CLASP1: variants seen among roughly 807,000 people sequenced by gnomAD.
The protein encoded by CLASP1 is cytoplasmic linker associated protein 1, also known as CLIP-associating protein 1.
In CLASP1, 38 loss-of-function variants were observed where a neutral mutation model predicts 192.3. The ratio of observed to expected loss-of-function variants is 0.20; its 90% CI spans 0.15 to 0.26. The LOEUF is 0.26. Among genes scored for constraint, CLASP1 ranks in the 10% least tolerant of loss-of-function variants. The pLI is 1.00. For synonymous variants in CLASP1, 691 were observed against 712.8 expected (o/e 0.97, Z 0.49); for missense variants, 1,433 against 1,932.5 (o/e 0.74, Z 4.85).
At chr2:121,500,344 A>AAAG (rs2093695387) in intron 8 of CLASP1, among the ~76,000 whole-genome samples, 1 of 119,310 alleles carries the variant, frequency 8.4e-6, no homozygotes, top group East Asian at 2.5e-4. Flanking sequence ...GAAAGAAAGA[A>AAAG]AAAGAAAGAA....
intron 8 of CLASP1, among the ~76,000 whole-genome samples, chr2:121,494,479 G>A (rs1416439851): frequency 6.6e-6 from 1 of 152,130 alleles, no homozygotes; most frequent in East Asian, 1.9e-4. Context: ...GGAAGGGAGT[G>A]GGGATGGTTA....
intron 2 of CLASP1, among the ~76,000 whole-genome samples, chr2:121,577,511 T>C (rs548783269): frequency 6.6e-6 from 1 of 152,284 alleles, no homozygotes; most frequent in Non-Finnish European, 1.5e-5. Context: ...TAATGTGATA[T>C]ATGCACAGAG....
intron 1 of CLASP1, among the ~76,000 whole-genome samples, chr2:121,620,252 G>A (rs1169027177): frequency 6.6e-6 from 1 of 151,686 alleles, no homozygotes. Flanking sequence ...CCCAGAATTA[G>A]CAGGGCCAGT....
intron 32 of CLASP1, among the ~76,000 whole-genome samples, chr2:121,383,886 C>T (rs1048798876): frequency 1.3e-5 from 2 of 151,302 alleles, no homozygotes; most frequent in African/African-American, 4.9e-5. Context: ...TTCTTTCACA[C>T]AGAAATGATG....
intron 2 of CLASP1, among the ~76,000 whole-genome samples, chr2:121,602,286 A>G (rs1267099227): frequency 6.6e-6 from 1 of 152,140 alleles, no homozygotes; most frequent in Non-Finnish European, 1.5e-5. Flanking sequence ...CTACAAGGAA[A>G]ACTACAAAAC....
chr2:121,583,204 T>G (rs1284648632), intron 2 of CLASP1, among the ~76,000 whole-genome samples: 1 of 152,190 alleles, frequency 6.6e-6, no homozygotes, highest in Non-Finnish European at 1.5e-5. Context: ...CATTGAAAAT[T>G]TAAATGTACC....
chr2:121,470,293 C>CTT (rs70954550), intron 8 of CLASP1: 22,483 of 305,910 alleles, frequency 0.073, 3,219 homozygotes, highest in Non-Finnish European at 0.083. Flanking sequence ...ACCATCCATG[C>CTT]TTTTTTTTTT....
At chr2:121,430,881 C>A (rs952236482) in intron 19 of CLASP1, among the ~76,000 whole-genome samples, 1 of 151,008 alleles carries the variant, frequency 6.6e-6, no homozygotes, top group Non-Finnish European at 1.5e-5. Context: ...GAAAAAATTA[C>A]AGCAATTATT....
chr2:121,509,932 TAAC>T (rs934213320), intron 7 of CLASP1, among the ~76,000 whole-genome samples: 8 of 151,938 alleles, frequency 5.3e-5, no homozygotes, highest in African/African-American at 1.5e-4. Context: ...CAGAAATTAA[TAAC>T]AAAAAGAAAT....
intron 34 of CLASP1, among the ~76,000 whole-genome samples, chr2:121,374,565 G>A (rs555397723): frequency 7.2e-5 from 11 of 152,330 alleles, no homozygotes; most frequent in South Asian, 4.1e-4. Flanking sequence ...CCGCAGGCAC[G>A]CAATGTCAGT....
intron 19 of CLASP1, among the ~76,000 whole-genome samples, chr2:121,438,681 C>A (rs1038202008): frequency 2.2e-4 from 33 of 152,054 alleles, no homozygotes; most frequent in Non-Finnish European, 2.6e-4. Flanking sequence ...GGATGAAGCC[C>A]ACTTGATCAT....
At chr2:121,585,525 T>C (rs2061619611) in intron 2 of CLASP1, among the ~76,000 whole-genome samples, 4 of 152,060 alleles carry the variant, frequency 2.6e-5, no homozygotes. Flanking sequence ...CTAAACAGGG[T>C]ATATCTAATT....
intron 1 of CLASP1, among the ~76,000 whole-genome samples, chr2:121,629,315 G>A (rs984672548): frequency 5.3e-5 from 8 of 151,720 alleles, no homozygotes; most frequent in South Asian, 2.1e-4. Context: ...GCATGAATCC[G>A]GGAGGCGGAG....
chr2:121,369,183 T>C (rs1277921219), intron 34 of CLASP1, among the ~76,000 whole-genome samples: 2 of 152,248 alleles, frequency 1.3e-5, no homozygotes, highest in South Asian at 2.1e-4. Flanking sequence ...GACACACTGG[T>C]GCACAAACAT....
chr2:121,632,942 C>T (rs1425488968), intron 1 of CLASP1, among the ~76,000 whole-genome samples: 1 of 148,348 alleles, frequency 6.7e-6, no homozygotes, highest in African/African-American at 2.5e-5. Context: ...TAATCAGCCA[C>T]GAACTGTACA....
At chr2:121,377,670 A>C (rs1194743114) in intron 33 of CLASP1, 21 bp from the exon 35 acceptor site, 1 of 1,522,964 alleles carries the variant, frequency 6.6e-7, no homozygotes, top group Non-Finnish European at 8.8e-7. Flanking sequence ...AAAATATTTT[A>C]TTTCTTAAAT....
chr2:121,581,897 A>T (rs899564784), intron 2 of CLASP1, among the ~76,000 whole-genome samples: 3 of 152,086 alleles, frequency 2.0e-5, no homozygotes, highest in Non-Finnish European at 2.9e-5. Context: ...AAAAGAAAAG[A>T]AAAGTCCAGG....
At chr2:121,462,913 A>C (rs561113523) in intron 9 of CLASP1, among the ~76,000 whole-genome samples, 1 of 152,318 alleles carries the variant, frequency 6.6e-6, no homozygotes, top group Non-Finnish European at 1.5e-5. Context: ...GTCCTTTGAA[A>C]GATTCCTAAT....
intron 23 of CLASP1, among the ~76,000 whole-genome samples, chr2:121,417,759 A>G (rs1318053569): frequency 1.3e-5 from 2 of 152,230 alleles, no homozygotes; most frequent in East Asian, 3.8e-4. Flanking sequence ...AGTGAATAAC[A>G]TTAGAAGGGG....
Sources: allele counts gnomAD v4.1 joint callset (sites outside exome capture counted in the v4.1 genomes callset), GRCh38; gene constraint gnomAD v4.1.1; transcripts MANE v1.5; gene names NCBI Gene and HGNC (gene_info 2026-07-23, HGNC 2026-07-21).